BCKDHB: variants seen among roughly 807,000 people sequenced by gnomAD.
BCKDHB encodes the protein branched chain keto acid dehydrogenase E1 subunit beta, also known as 2-oxoisovalerate dehydrogenase subunit beta, mitochondrial.
BCKDHB carries 41 observed loss-of-function variants against 48.5 expected under a neutral mutation model. The observed-to-expected ratio is 0.85, with a 90% confidence interval of 0.66 to 1.10. BCKDHB has a LOEUF of 1.10. Ranked by LOEUF, BCKDHB falls within the 50% of genes least tolerant of loss-of-function variation. BCKDHB has a pLI of 0.00. For missense variants in BCKDHB, 496 were observed against 494.2 expected (o/e 1.00, Z -0.03); for synonymous variants, 201 against 174.8 (o/e 1.15, Z -1.18).
At chr6:80,417,278 A>G in the BCKDHB span, among the ~76,000 whole-genome samples, 7 of 151,976 alleles carry the variant, frequency 4.6e-5, no homozygotes, top group East Asian at 1.9e-4. Flanking sequence ...ACATTATATC[A>G]GTGGGTCTTG....
the BCKDHB span, among the ~76,000 whole-genome samples, chr6:80,368,516 T>A: frequency 2.0e-5 from 3 of 152,200 alleles, no homozygotes; most frequent in Admixed American, 6.5e-5. Context: ...AGGCAGGAAA[T>A]AAAGTTTAGC....
intron 8 of BCKDHB, among the ~76,000 whole-genome samples, chr6:80,219,042 T>C (rs1032671380): frequency 6.6e-6 from 1 of 152,176 alleles, no homozygotes; most frequent in Non-Finnish European, 1.5e-5. Flanking sequence ...AACTGTTCAA[T>C]GTCTTGCCAC....
chr6:80,462,058 A>T, the BCKDHB span, among the ~76,000 whole-genome samples: 1 of 152,120 alleles, frequency 6.6e-6, no homozygotes, highest in Non-Finnish European at 1.5e-5. Flanking sequence ...AAAAAATAAA[A>T]AGTGGTTTGA....
At chr6:80,273,245 T>A in intron 9 of BCKDHB, 24 bp downstream of exon 9, 1 of 1,584,530 alleles carries the variant, frequency 6.3e-7, no homozygotes, top group Non-Finnish European at 8.7e-7. Context: ...TGGAACTGAT[T>A]TCAATGCTTG....
At chr6:80,107,518 T>TATATATATGCACAC (rs138189568) in intron 1 of BCKDHB, among the ~76,000 whole-genome samples, 2 of 121,686 alleles carry the variant, frequency 1.6e-5, no homozygotes, top group East Asian at 2.3e-4. Context: ...TGTGCGCATA[T>TATATATATGCACAC]ATATATATAT....
chr6:80,422,334 C>T, the BCKDHB span, among the ~76,000 whole-genome samples: 568 of 152,292 alleles, frequency 3.7e-3, 2 homozygotes, highest in African/African-American at 0.013. Flanking sequence ...TATGGAAACA[C>T]TTAGATGTCC....
chr6:80,198,801 A>C (rs60999006), intron 6 of BCKDHB, among the ~76,000 whole-genome samples: 1 of 152,218 alleles, frequency 6.6e-6, no homozygotes, highest in South Asian at 2.1e-4. Flanking sequence ...CTTAGTTTTC[A>C]AGCAAATGAA....
chr6:80,148,927 A>G (rs1159615139), intron 3 of BCKDHB, among the ~76,000 whole-genome samples: 3 of 152,232 alleles, frequency 2.0e-5, no homozygotes, highest in African/African-American at 7.2e-5. Context: ...TTCATGTCTA[A>G]AACACCAAAA....
chr6:80,205,684 A>G (rs1169741889), intron 8 of BCKDHB, among the ~76,000 whole-genome samples: 1 of 152,202 alleles, frequency 6.6e-6, no homozygotes, highest in Non-Finnish European at 1.5e-5. Context: ...TTTCCACTCA[A>G]TTCTGAACTT....
At chr6:80,204,821 T>C (rs1774565291) in intron 8 of BCKDHB, among the ~76,000 whole-genome samples, 1 of 152,048 alleles carries the variant, frequency 6.6e-6, no homozygotes, top group African/African-American at 2.4e-5. Flanking sequence ...TATATTTACA[T>C]CGATAGCAGT....
the BCKDHB span, among the ~76,000 whole-genome samples, chr6:80,444,079 A>G: frequency 6.6e-6 from 1 of 152,048 alleles, no homozygotes; most frequent in Non-Finnish European, 1.5e-5. Context: ...TAATTACAAA[A>G]TCTTTAAAAG....
chr6:80,308,158 C>A (rs940890283), intron 9 of BCKDHB, among the ~76,000 whole-genome samples: 11 of 151,730 alleles, frequency 7.2e-5, no homozygotes, highest in African/African-American at 4.8e-5. Flanking sequence ...TTTCATTTCC[C>A]CCCTATGTAT....
At chr6:80,437,812 C>T in the BCKDHB span, among the ~76,000 whole-genome samples, 2 of 152,052 alleles carry the variant, frequency 1.3e-5, no homozygotes, top group Non-Finnish European at 2.9e-5. Context: ...TAATGTTATG[C>T]TATATTTGAG....
chr6:80,112,632 A>G (rs1361061934), intron 1 of BCKDHB, among the ~76,000 whole-genome samples: 1 of 152,226 alleles, frequency 6.6e-6, no homozygotes, highest in Non-Finnish European at 1.5e-5. Flanking sequence ...AACAAGCCCC[A>G]AGAGTGTCCA....
intron 3 of BCKDHB, among the ~76,000 whole-genome samples, chr6:80,139,540 G>A (rs1318001343): frequency 6.7e-6 from 1 of 150,104 alleles, no homozygotes; most frequent in African/African-American, 2.4e-5. Context: ...AGTTTTCCCA[G>A]CACCATTTAT....
intron 9 of BCKDHB, among the ~76,000 whole-genome samples, chr6:80,330,074 T>C (rs575536317): frequency 1.1e-4 from 17 of 150,044 alleles, no homozygotes; most frequent in Non-Finnish European, 1.8e-4. Context: ...AAAACAAGAG[T>C]TTTAGAAGAG....
chr6:80,418,917 G>A, the BCKDHB span, among the ~76,000 whole-genome samples: 2 of 152,194 alleles, frequency 1.3e-5, no homozygotes, highest in Non-Finnish European at 2.9e-5. Context: ...TCCTGGAGGC[G>A]ATGTTGGCTC....
intron 6 of BCKDHB, among the ~76,000 whole-genome samples, chr6:80,180,984 T>TA (rs1373969783): frequency 1.3e-5 from 2 of 152,174 alleles, no homozygotes; most frequent in East Asian, 3.9e-4. Flanking sequence ...TAGCTTCTAA[T>TA]AAAAAATAGC....
intron 1 of BCKDHB, among the ~76,000 whole-genome samples, chr6:80,109,720 C>T (rs1769314741): frequency 2.0e-5 from 3 of 152,230 alleles, no homozygotes; most frequent in Non-Finnish European, 4.4e-5. Context: ...TAAAAGTATA[C>T]TCAGTATTTT....
Sources: allele counts gnomAD v4.1 joint callset (sites outside exome capture counted in the v4.1 genomes callset), GRCh38; gene constraint gnomAD v4.1.1; transcripts MANE v1.5; gene names NCBI Gene and HGNC (gene_info 2026-07-23, HGNC 2026-07-21).